The following CEP192 variants were observed in gnomAD, a reference collection of about 807,000 sequenced individuals.
CEP192 encodes the protein centrosomal protein 192.
Under a neutral mutation model 271.8 loss-of-function variants are expected in CEP192, and 151 were observed. The observed-to-expected ratio is 0.56, with a 90% CI of 0.49 to 0.64. The LOEUF (loss-of-function observed/expected upper bound fraction) is 0.64, where lower values mean the gene tolerates loss of function less well. Ranked by LOEUF, CEP192 falls within the 30% of genes least tolerant of loss-of-function variation. The pLI is 0.00. For synonymous variants in CEP192, 995 were observed against 1,076.5 expected (o/e 0.92, Z 1.48); for missense variants, 2,910 against 3,020.5 (o/e 0.96, Z 0.86).
chr18:13,050,149 T>A (rs896307613), intron 17 of CEP192, among the ~76,000 whole-genome samples: 1 of 152,202 alleles, frequency 6.6e-6, no homozygotes, highest in Non-Finnish European at 1.5e-5. Context: ...CTGTCATGGT[T>A]CACTTGATAC....
intron 44 of CEP192, among the ~76,000 whole-genome samples, chr18:13,121,420 G>C (rs906444169): frequency 2.6e-5 from 4 of 152,202 alleles, no homozygotes; most frequent in Non-Finnish European, 5.9e-5. Context: ...ACAGGAAAGT[G>C]GCTGCTCCTT....
chr18:13,084,103 G>C (rs2038768101), intron 30 of CEP192, among the ~76,000 whole-genome samples: 1 of 152,196 alleles, frequency 6.6e-6, no homozygotes, highest in South Asian at 2.1e-4. Flanking sequence ...GAGGCAGTCT[G>C]TCTGTTCTCA....
chr18:13,006,745 C>T (rs1196154576), intron 3 of CEP192, among the ~76,000 whole-genome samples: 5 of 149,720 alleles, frequency 3.3e-5, no homozygotes, highest in East Asian at 3.9e-4. Context: ...ACAAGAGGGA[C>T]GTTGTTCCTG....
chr18:13,121,395 A>G (rs755029425), intron 44 of CEP192, among the ~76,000 whole-genome samples: 15 of 152,204 alleles, frequency 9.9e-5, no homozygotes, highest in Non-Finnish European at 1.8e-4. Context: ...GCTCTCCGAA[A>G]GCTCCAGCAC....
chr18:13,067,949 T>G lies in CEP192; in HGVS notation c.4607T>G (p.Ile1536Ser). The change falls in exon 22 of 45, where the codon ATT (isoleucine) becomes AGT (serine). Residue 1536 changes from isoleucine (I) to serine (S), a missense_variant. Transcript: ENST00000506447. ...THATVPIRLI[I>S]NANAVAWRCF... ...GCCACTGTGCCAATTAGACTGATTA[T>G]TAATGCTGTAAGTATGAACATACAG... The G allele has an allele frequency of 1.2e-6, 2 of 1,608,290 alleles. No individual in the cohort carries two copies. The highest frequency in any genetic ancestry group is 2.2e-5 in the South Asian group (2 of 90,952).
In CEP192 at chr18:13,059,273, C is replaced by A; in HGVS notation, c.4449C>A (p.Thr1483=). Residue 1483 remains threonine, a synonymous_variant, in exon 21 of 45, where the codon ACC becomes ACA. Coordinates refer to ENST00000506447, the MANE Select transcript of CEP192 (RefSeq NM_032142.4). ...TACAGGCAGAAGCTTTGGCCAGCAC[C>A]GTCACTCTCACTGCCATTGCCGAGA... ...TIVQAEALAS[T]VTLTAIAESP... 1 of 1,614,130 alleles carries A rather than the reference C, an allele frequency of 6.2e-7. No homozygotes were observed. The highest frequency in any genetic ancestry group is 1.1e-5 in the South Asian group (1 of 91,082).
intron 20 of CEP192, 69 bp downstream of exon 20, chr18:13,057,802 C>T: frequency 6.7e-7 from 1 of 1,484,406 alleles, no homozygotes; most frequent in Non-Finnish European, 9.3e-7. Context: ...TTTCCCCCAT[C>T]TCTAGTGCTA....
intron 1 of CEP192, among the ~76,000 whole-genome samples, chr18:12,991,711 T>A (rs1334622756): frequency 6.6e-6 from 1 of 152,248 alleles, no homozygotes; most frequent in Non-Finnish European, 1.5e-5. Context: ...TGAGACAGAC[T>A]GTTAGGGGAT....
chr18:13,122,808 G>C (rs936365284), intron 44 of CEP192, among the ~76,000 whole-genome samples: 2 of 147,864 alleles, frequency 1.4e-5, no homozygotes, highest in Admixed American at 1.4e-4. Flanking sequence ...ACTGGGTTCA[G>C]AGGACTTTCC....
intron 19 of CEP192, among the ~76,000 whole-genome samples, chr18:13,057,286 C>T (rs890427243): frequency 6.7e-6 from 1 of 149,820 alleles, no homozygotes; most frequent in African/African-American, 2.5e-5. Flanking sequence ...GAATGACTTA[C>T]AATTTATGAG....
chr18:13,032,690 C>G (rs1034722649), intron 11 of CEP192, among the ~76,000 whole-genome samples: 5 of 152,294 alleles, frequency 3.3e-5, no homozygotes, highest in African/African-American at 1.2e-4. Flanking sequence ...AAAAGACATA[C>G]TAAAATGTTT....
intron 19 of CEP192, 123 bp from the exon 20 acceptor site, chr18:13,057,462 C>T: frequency 9.8e-7 from 1 of 1,023,042 alleles, no homozygotes. Flanking sequence ...TCATCTGGAG[C>T]ACTTTGACTC....
chr18:13,070,926 A>G (rs772741348), intron 27 of CEP192, 113 bp from the exon 28 acceptor site: 5 of 784,012 alleles, frequency 6.4e-6, no homozygotes, highest in Non-Finnish European at 1.0e-5. Flanking sequence ...GGGTGGGAAT[A>G]TCATTGTATC....
At chr18:13,077,375 A>C (rs1568381078) in intron 30 of CEP192, among the ~76,000 whole-genome samples, 2 of 152,154 alleles carry the variant, frequency 1.3e-5, no homozygotes, top group Non-Finnish European at 2.9e-5. Flanking sequence ...TGAATTAGGG[A>C]TGTTCAGCCA....
chr18:13,055,938 A>T lies in CEP192; in HGVS notation c.3348A>T (p.Lys1116Asn). Residue 1116 changes from lysine to asparagine, a missense_variant, in exon 19 of 45, where the codon AAA (lysine) becomes AAT (asparagine). Transcript: ENST00000506447. ...TCCAGAATAACTCTGATACAAGAAA[A>T]GCAACTGAAACTACTTCTCTGAGTA... is the stretch of plus-strand genomic sequence containing the variant. ...SIIQNNSDTRKATETTSLSSK... is the reference protein window; with the variant it reads ...SIIQNNSDTRNATETTSLSSK... 1 of 1,614,244 alleles carries T rather than the reference A, an allele frequency of 6.2e-7. No individual in the cohort carries two copies. The highest frequency in any genetic ancestry group is 8.5e-7 in the Non-Finnish European group (1 of 1,180,046).
In CEP192 at chr18:13,077,702, C is replaced by T. The variant is rs2038365527; in HGVS notation, c.5616+4517C>T. On this transcript the variant is annotated intron_variant, in intron 30 of 44. Transcript: ENST00000506447. ...AAGTTGTTTGAGTTCTTATCTTTAG[C>T]TTAGTCCCTTTTGCATGCTTTTCTC... Among the ~76,000 whole-genome samples, 3 of 152,220 alleles carry T rather than the reference C, an allele frequency of 2.0e-5. No individual in the cohort carries two copies. The South Asian group carries it at 6.2e-4, about 32-fold the overall frequency.
intron 4 of CEP192, among the ~76,000 whole-genome samples, chr18:13,010,045 G>A (rs746769334): frequency 5.9e-5 from 9 of 151,500 alleles, no homozygotes; most frequent in Non-Finnish European, 1.2e-4. Flanking sequence ...TTTAGTCCCA[G>A]CTACTTGGGA....
At chr18:13,087,432 G>A in intron 31 of CEP192, 99 bp from the exon 32 acceptor site, 1 of 909,374 alleles carries the variant, frequency 1.1e-6, no homozygotes, top group Admixed American at 2.9e-5. Context: ...ATGCACTTGT[G>A]TCTGTGTCGA....
chr18:13,006,930 T>C (rs545313112), intron 3 of CEP192, among the ~76,000 whole-genome samples: 2 of 152,214 alleles, frequency 1.3e-5, no homozygotes, highest in Non-Finnish European at 2.9e-5. Flanking sequence ...CGTGTGTGCA[T>C]GGCTGTTGTC....
Sources: gnomAD v4.1 joint callset for allele counts (sites outside exome capture counted in the v4.1 genomes callset) on GRCh38, gnomAD v4.1.1 for gene constraint, MANE v1.5 for transcripts, NCBI Gene and HGNC (gene_info 2026-07-23, HGNC 2026-07-21) for gene names.